KCNJ3: variants seen among roughly 807,000 people sequenced by gnomAD.
KCNJ3 encodes G protein-activated inward rectifier potassium channel 1.
A neutral mutation model predicts 39.2 loss-of-function variants in KCNJ3; 4 were observed. The ratio of observed to expected loss-of-function variants is 0.10; its 90% CI spans 0.05 to 0.23. KCNJ3 has a LOEUF of 0.23. Ranked by LOEUF, KCNJ3 falls within the 10% of genes least tolerant of loss-of-function variation. The pLI is 1.00. For synonymous variants in KCNJ3, 230 were observed against 237.4 expected, an observed-to-expected ratio of 0.97 and a Z score of 0.29; for missense variants, 276 against 634.9, an observed-to-expected ratio of 0.43 and a Z score of 6.08.
chr2:154,743,843 A>G (rs1685693653), intron 2 of KCNJ3, among the ~76,000 whole-genome samples: 1 of 151,384 alleles, frequency 6.6e-6, no homozygotes, highest in Non-Finnish European at 1.5e-5. Flanking sequence ...TTTTCTTCCC[A>G]TAATGTGGAG....
chr2:154,749,794 A>G (rs148988878), intron 2 of KCNJ3, among the ~76,000 whole-genome samples: 11 of 151,750 alleles, frequency 7.2e-5, no homozygotes, highest in African/African-American at 2.7e-4. Context: ...TCCATCTTTG[A>G]AGACAGCCAT....
At chr2:154,751,942 C>G (rs926323327) in intron 2 of KCNJ3, among the ~76,000 whole-genome samples, 1 of 152,028 alleles carries the variant, frequency 6.6e-6, no homozygotes, top group Non-Finnish European at 1.5e-5. Context: ...GCAGTACCAC[C>G]TCTTTAAAGA....
intron 2 of KCNJ3, among the ~76,000 whole-genome samples, chr2:154,782,813 A>G (rs1686461556): frequency 6.6e-6 from 1 of 152,042 alleles, no homozygotes; most frequent in Non-Finnish European, 1.5e-5. Context: ...ACAAAAGAAG[A>G]CTCGGGTTAA....
At chr2:154,780,612 TCA>T (rs1686422628) in intron 2 of KCNJ3, among the ~76,000 whole-genome samples, 1 of 151,468 alleles carries the variant, frequency 6.6e-6, no homozygotes, top group African/African-American at 2.4e-5. Context: ...GGGTTGGGGG[TCA>T]GGGAGGGGCT....
intron 2 of KCNJ3, among the ~76,000 whole-genome samples, chr2:154,736,030 T>G (rs1685523427): frequency 6.6e-6 from 1 of 152,184 alleles, no homozygotes; most frequent in African/African-American, 2.4e-5. Flanking sequence ...GAGACTACTC[T>G]GTCTCTATTA....
At chr2:154,764,140 G>T (rs763926743) in intron 2 of KCNJ3, among the ~76,000 whole-genome samples, 1 of 152,290 alleles carries the variant, frequency 6.6e-6, no homozygotes, top group East Asian at 1.9e-4. Flanking sequence ...TCTTAAGCAC[G>T]AAAAGTGCTA....
At chr2:154,790,133 C>T (rs546585078) in intron 2 of KCNJ3, among the ~76,000 whole-genome samples, 24 of 151,356 alleles carry the variant, frequency 1.6e-4, no homozygotes, top group African/African-American at 5.8e-4. Flanking sequence ...ACAGAGAGAA[C>T]ATTTTTTGAC....
At chr2:154,785,158 A>T (rs1187884965) in intron 2 of KCNJ3, among the ~76,000 whole-genome samples, 4 of 152,188 alleles carry the variant, frequency 2.6e-5, no homozygotes, top group African/African-American at 9.7e-5. Context: ...AAAATGTGTA[A>T]TTTCATGTAA....
chr2:154,852,977 A>C (rs1687781116), intron 2 of KCNJ3, among the ~76,000 whole-genome samples: 1 of 152,076 alleles, frequency 6.6e-6, no homozygotes, highest in Admixed American at 6.6e-5. Context: ...AACAATTTAA[A>C]AAAAAACCCA....
At chr2:154,744,600 T>TA (rs1313419273) in intron 2 of KCNJ3, among the ~76,000 whole-genome samples, 2 of 151,854 alleles carry the variant, frequency 1.3e-5, no homozygotes, top group African/African-American at 4.8e-5. Flanking sequence ...TTGTCAAACT[T>TA]ATATATGTAG....
At chr2:154,718,143 A>G (rs559510547) in intron 2 of KCNJ3, among the ~76,000 whole-genome samples, 18 of 152,328 alleles carry the variant, frequency 1.2e-4, no homozygotes, top group African/African-American at 3.6e-4. Flanking sequence ...TATAGATTGG[A>G]CATCTCAAAG....
At chr2:154,751,514 C>T (rs1420439521) in intron 2 of KCNJ3, among the ~76,000 whole-genome samples, 2 of 151,964 alleles carry the variant, frequency 1.3e-5, no homozygotes, top group East Asian at 1.9e-4. Flanking sequence ...CATCCATTCA[C>T]GTATCCATTT....
At chr2:154,753,174 C>T (rs912809701) in intron 2 of KCNJ3, among the ~76,000 whole-genome samples, 3 of 151,964 alleles carry the variant, frequency 2.0e-5, no homozygotes, top group African/African-American at 7.2e-5. Context: ...TAACGGATTG[C>T]TAAAACTATA....
chr2:154,735,621 CA>C (rs1257789332), intron 2 of KCNJ3, among the ~76,000 whole-genome samples: 1 of 152,066 alleles, frequency 6.6e-6, no homozygotes, highest in Non-Finnish European at 1.5e-5. Flanking sequence ...GATGTTAGTA[CA>C]AAACGTTTTT....
chr2:154,775,118 T>C (rs1021347574), intron 2 of KCNJ3, among the ~76,000 whole-genome samples: 2 of 152,162 alleles, frequency 1.3e-5, no homozygotes, highest in African/African-American at 4.8e-5. Context: ...CATTTCACCA[T>C]ATTGCCCAGG....
chr2:154,708,555 C>T (rs1443799943), intron 1 of KCNJ3, among the ~76,000 whole-genome samples: 2 of 152,080 alleles, frequency 1.3e-5, no homozygotes, highest in South Asian at 2.1e-4. Flanking sequence ...GCTCCACCTT[C>T]CCCCCATTTT....
chr2:154,850,229 CT>C (rs1316334858), intron 2 of KCNJ3, among the ~76,000 whole-genome samples: 1 of 151,508 alleles, frequency 6.6e-6, no homozygotes, highest in Non-Finnish European at 1.5e-5. Flanking sequence ...TCATAGTACC[CT>C]TTGAATAATA....
At chr2:154,839,824 T>G (rs971211229) in intron 2 of KCNJ3, among the ~76,000 whole-genome samples, 2 of 152,170 alleles carry the variant, frequency 1.3e-5, no homozygotes, top group African/African-American at 4.8e-5. Flanking sequence ...CTTTGTAGAT[T>G]CCGGATGTTA....
At chr2:154,787,499 C>T (rs968409093) in intron 2 of KCNJ3, among the ~76,000 whole-genome samples, 1 of 152,148 alleles carries the variant, frequency 6.6e-6, no homozygotes, top group African/African-American at 2.4e-5. Flanking sequence ...CTCTTTGAAA[C>T]CTCAGGACAT....
Sources: gnomAD v4.1 joint callset for allele counts (sites outside exome capture counted in the v4.1 genomes callset) on GRCh38, gnomAD v4.1.1 for gene constraint, MANE v1.5 for transcripts, NCBI Gene and HGNC (gene_info 2026-07-23, HGNC 2026-07-21) for gene names.